Variants in COL25A1 observed in about 807,000 individuals in gnomAD.
COL25A1 encodes the protein collagen alpha-1(XXV) chain.
Under a neutral mutation model 128.4 loss-of-function variants are expected in COL25A1, and 103 were observed. That is an observed-to-expected ratio of 0.80 (90% CI 0.68 to 0.94). The LOEUF (loss-of-function observed/expected upper bound fraction) is 0.94. Among genes scored for constraint, COL25A1 ranks in the 40% least tolerant of loss-of-function variants. COL25A1 has a pLI of 0.00. For synonymous variants in COL25A1, 279 were observed against 277.2 expected (o/e 1.01, Z -0.06); for missense variants, 745 against 840.0 (o/e 0.89, Z 1.40).
At chr4:109,069,827 G>A (rs539115191) in intron 3 of COL25A1, among the ~76,000 whole-genome samples, 1 of 152,224 alleles carries the variant, frequency 6.6e-6, no homozygotes, top group African/African-American at 2.4e-5. Flanking sequence ...CTAAACATTT[G>A]AAAACTCACT....
Position 109,000,228 on chromosome 4 carries a change from T to C in COL25A1, c.438+10130A>G, listed in dbSNP as rs567132300. Among the ~76,000 whole-genome samples the C allele has an allele frequency of 1.2e-4, 19 of 152,280 alleles. No homozygotes were observed. The East Asian group carries it at 1.5e-3, about 12-fold the overall frequency. On this transcript the variant is annotated intron_variant, in intron 6 of 37. Transcript: ENST00000399132. ...AAGGAAATTAATATTCACTGAGTGA[T>C]TGCTATGGACTAGGCACCACATTAG...
chr4:109,074,014 A>G (rs757151600), intron 3 of COL25A1, among the ~76,000 whole-genome samples: 59 of 152,204 alleles, frequency 3.9e-4, no homozygotes, highest in Non-Finnish European at 6.9e-4. Context: ...AGTTTCGTGG[A>G]AGACAATTTT....
intron 3 of COL25A1, among the ~76,000 whole-genome samples, chr4:109,245,456 A>G (rs1015412204): frequency 2.6e-5 from 4 of 152,276 alleles, no homozygotes; most frequent in African/African-American, 7.2e-5. Context: ...GTATCCTATC[A>G]TATGTGTGGA....
chr4:109,124,499 T>C (rs1184590525), intron 3 of COL25A1, among the ~76,000 whole-genome samples: 2 of 152,014 alleles, frequency 1.3e-5, no homozygotes, highest in African/African-American at 4.8e-5. Context: ...TACAAAAGAA[T>C]GTCACATAAA....
At chr4:108,818,296 A>T (rs1963940) in intron 36 of COL25A1, among the ~76,000 whole-genome samples, 74,275 of 151,566 alleles carry the variant, frequency 0.49, 19,117 homozygotes, top group Middle Eastern at 0.64. Flanking sequence ...CTTAATTTTT[A>T]AAAATATAAA....
intron 5 of COL25A1, among the ~76,000 whole-genome samples, chr4:109,021,328 CCAAA>C (rs1285048016): frequency 1.3e-5 from 2 of 152,094 alleles, no homozygotes; most frequent in Non-Finnish European, 2.9e-5. Context: ...GTCAGGGACC[CCAAA>C]CAGAGGGACT....
intron 3 of COL25A1, among the ~76,000 whole-genome samples, chr4:109,106,154 G>T (rs892588833): frequency 2.0e-5 from 3 of 152,106 alleles, no homozygotes; most frequent in African/African-American, 7.2e-5. Context: ...AGACTGATGA[G>T]CTATACAAAT....
chr4:109,260,505 T>A (rs552726785), intron 3 of COL25A1, among the ~76,000 whole-genome samples: 13 of 150,616 alleles, frequency 8.6e-5, no homozygotes, highest in African/African-American at 3.2e-4. Flanking sequence ...TTTTTGTTTG[T>A]TTTTTTTTGA....
chr4:109,126,785 C>G (rs989264609), intron 3 of COL25A1, among the ~76,000 whole-genome samples: 1 of 151,764 alleles, frequency 6.6e-6, no homozygotes, highest in Non-Finnish European at 1.5e-5. Context: ...TATTAGATAA[C>G]CTGATAGCTT....
chr4:108,921,842 G>A (rs1055771642), intron 11 of COL25A1, among the ~76,000 whole-genome samples: 5 of 151,976 alleles, frequency 3.3e-5, no homozygotes, highest in African/African-American at 1.2e-4. Flanking sequence ...TTGTTATTTG[G>A]TTTATCTGTG....
chr4:109,299,255 G>A (rs749262834), intron 3 of COL25A1, among the ~76,000 whole-genome samples: 8 of 152,164 alleles, frequency 5.3e-5, no homozygotes, highest in African/African-American at 9.7e-5. Flanking sequence ...GGCTGATGAG[G>A]TGGTTGAGTT....
At chr4:108,846,905 A>ATTTTTTT (rs36023184) in intron 27 of COL25A1, among the ~76,000 whole-genome samples, 3 of 131,812 alleles carry the variant, frequency 2.3e-5, no homozygotes, top group Non-Finnish European at 3.1e-5. Flanking sequence ...GAATTTTGTA[A>ATTTTTTT]TTTTTTTTTT....
At chr4:109,164,383 T>C (rs893228505) in intron 3 of COL25A1, among the ~76,000 whole-genome samples, 6 of 152,070 alleles carry the variant, frequency 3.9e-5, no homozygotes, top group Admixed American at 3.3e-4. Context: ...ACATTGGAGA[T>C]TGGAGTTTGA....
intron 3 of COL25A1, among the ~76,000 whole-genome samples, chr4:109,280,639 C>A (rs1723284865): frequency 6.6e-6 from 1 of 151,608 alleles, no homozygotes; most frequent in Non-Finnish European, 1.5e-5. Flanking sequence ...ATAATTCATG[C>A]TGAAATACTT....
At chr4:108,954,595 T>C (rs1361904537) in intron 8 of COL25A1, among the ~76,000 whole-genome samples, 2 of 151,998 alleles carry the variant, frequency 1.3e-5, no homozygotes, top group African/African-American at 4.8e-5. Context: ...AAATGAGGGC[T>C]CAAAATATGC....
Position 108,846,183 on chromosome 4 carries a change from C to T in COL25A1, c.1471G>A (p.Gly491Ser). 1.2e-6 allele frequency: 2 copies of T among 1,613,082 alleles called. No homozygotes were observed. Among genetic ancestry groups the T allele is most frequent in the Non-Finnish European group, 8.5e-7 (1 of 1,179,128 alleles). ...ATTCCTCCTTTTTCACCTGTCATAC[C>T]TGGGTCCCCCATGTCTCCCTTTGAG... ...KGSKGDMGDP[G>S]MTGEKGGIGL... Residue 491 changes from glycine to serine, a missense_variant, in exon 28 of 38, where the codon GGT (glycine) becomes AGT (serine). By Grantham distance (56) the Gly-to-Ser change is moderately conservative. This residue lies in a region of COL25A1 where 387 missense variants were observed against 441.9 expected (regional missense o/e 0.88). Transcript: ENST00000399132.
rs1350987603 is a variant in COL25A1, at chr4:108,852,272, AG to A, written c.1352del (p.Pro451LeufsTer42). 1 of 1,591,012 alleles carries A rather than the reference AG, an allele frequency of 6.3e-7. No homozygotes were observed. On this transcript the variant is annotated frameshift_variant, in exon 26 of 38. Coordinates refer to ENST00000399132, the MANE Select transcript of COL25A1 (RefSeq NM_198721.4). LOFTEE classifies it high-confidence loss of function. ...RITTLTVTGP[P>X]GPPGPQGLQG... The stretch of plus-strand genomic sequence containing the variant: ...GTAGTCCTTGAGGTCCAGGAGGTCC[AG>A]GGGGACCCTAAATCAAGAAAAAGCA...
At chr4:109,083,880 T>A (rs1764115301) in intron 3 of COL25A1, among the ~76,000 whole-genome samples, 1 of 152,236 alleles carries the variant, frequency 6.6e-6, no homozygotes, top group South Asian at 2.1e-4. Flanking sequence ...TTTATCTCCC[T>A]AGTTTTTCAT....
chr4:108,902,899 G>A (rs527872212), intron 13 of COL25A1, among the ~76,000 whole-genome samples: 3 of 151,900 alleles, frequency 2.0e-5, no homozygotes, highest in African/African-American at 4.8e-5. Context: ...CATTTACTGT[G>A]CAACGAGAAA....
Sources: allele counts gnomAD v4.1 joint callset (sites outside exome capture counted in the v4.1 genomes callset), GRCh38; gene constraint gnomAD v4.1.1; regional missense constraint gnomAD v4.1.1; transcripts MANE v1.5; gene names NCBI Gene and HGNC (gene_info 2026-07-23, HGNC 2026-07-21).